The following PRKG1 variants were observed in gnomAD, a reference collection of about 807,000 sequenced individuals.
PRKG1 encodes protein kinase cGMP-dependent 1.
In PRKG1, 35 loss-of-function variants were observed where a neutral mutation model predicts 88.1. The observed-to-expected ratio is 0.40, with a 90% CI of 0.30 to 0.53. The LOEUF is 0.53. Ranked by LOEUF, PRKG1 falls within the 20% of genes least tolerant of loss-of-function variation. PRKG1 has a pLI of 0.59. For synonymous variants in PRKG1, 303 were observed against 292.5 expected, an observed-to-expected ratio of 1.04 and a Z score of -0.37; for missense variants, 540 against 839.8, an observed-to-expected ratio of 0.64 and a Z score of 4.41.
intron 7 of PRKG1, among the ~76,000 whole-genome samples, chr10:52,105,887 T>C (rs1028799403): frequency 2.0e-5 from 3 of 152,108 alleles, no homozygotes; most frequent in African/African-American, 7.2e-5. Context: ...CGTTCTTTAG[T>C]GGTGATTTCT....
chr10:52,109,533 G>A (rs1189639136), intron 7 of PRKG1, among the ~76,000 whole-genome samples: 2 of 152,186 alleles, frequency 1.3e-5, no homozygotes, highest in African/African-American at 2.4e-5. Context: ...TCGGGAGGCC[G>A]AGGTGGGCAG....
intron 2 of PRKG1, among the ~76,000 whole-genome samples, chr10:51,251,933 G>A (rs1440471070): frequency 6.6e-6 from 1 of 151,790 alleles, no homozygotes; most frequent in Non-Finnish European, 1.5e-5. Flanking sequence ...ATAATTTACT[G>A]CTGCTAGTAA....
intron 1 of PRKG1, among the ~76,000 whole-genome samples, chr10:51,083,960 G>C (rs1311663230): frequency 1.3e-5 from 2 of 152,122 alleles, no homozygotes; most frequent in Non-Finnish European, 2.9e-5. Flanking sequence ...CTTTATATAA[G>C]CAATGAAAAT....
At chr10:51,057,318 C>A (rs1564583982) in intron 1 of PRKG1, among the ~76,000 whole-genome samples, 2 of 152,168 alleles carry the variant, frequency 1.3e-5, no homozygotes, top group Admixed American at 1.3e-4. Context: ...ATGGATTGGG[C>A]ATGGGGCCTT....
At chr10:51,795,716 C>A (rs181024330) in intron 3 of PRKG1, among the ~76,000 whole-genome samples, 1 of 152,102 alleles carries the variant, frequency 6.6e-6, no homozygotes, top group Admixed American at 6.6e-5. Flanking sequence ...TTCTGGGATT[C>A]CTTGAGCATA....
intron 5 of PRKG1, among the ~76,000 whole-genome samples, chr10:51,945,881 C>A (rs1843020499): frequency 6.6e-6 from 1 of 151,340 alleles, no homozygotes; most frequent in Admixed American, 6.6e-5. Flanking sequence ...CTCTGGCTGC[C>A]CTTAACATTT....
intron 4 of PRKG1, among the ~76,000 whole-genome samples, chr10:51,828,310 GA>G (rs200903065): frequency 0.013 from 1,973 of 150,784 alleles, 52 homozygotes; most frequent in African/African-American, 0.045. Context: ...ATCCTCACGT[GA>G]AAAAAAAATC....
chr10:51,109,051 A>G (rs746019709), intron 1 of PRKG1, among the ~76,000 whole-genome samples: 49 of 152,136 alleles, frequency 3.2e-4, no homozygotes, highest in Admixed American at 1.1e-3. Flanking sequence ...AAACCTGTAA[A>G]CTGGAAACTA....
At chr10:52,203,790 A>G (rs1839738514) in intron 9 of PRKG1, among the ~76,000 whole-genome samples, 1 of 152,052 alleles carries the variant, frequency 6.6e-6, no homozygotes, top group African/African-American at 2.4e-5. Flanking sequence ...TTTATTTATC[A>G]TTGTCGGATT....
intron 9 of PRKG1, among the ~76,000 whole-genome samples, chr10:52,230,167 G>T (rs1167085046): frequency 6.6e-6 from 1 of 152,146 alleles, no homozygotes; most frequent in Non-Finnish European, 1.5e-5. Context: ...GGCATGTTTG[G>T]ATATTCATAT....
intron 1 of PRKG1, among the ~76,000 whole-genome samples, chr10:51,064,642 G>A (rs1843728501): frequency 6.6e-6 from 1 of 151,770 alleles, no homozygotes; most frequent in African/African-American, 2.4e-5. Context: ...AAATTTGAAG[G>A]GCTTACGAAG....
rs116891501 is a variant in PRKG1 at position 51,308,712 on chromosome 10, A to C, written c.478+155382A>C. On this transcript the variant is annotated intron_variant, in intron 2 of 17. Coordinates refer to ENST00000373980, the MANE Select transcript of PRKG1 (RefSeq NM_006258.4). Reference sequence around the variant, plus strand: ...GTAGGTTGAGGAGAGGTGCTAGAAAAATAATACTAGAATAACACAGAGCCA... The same window carrying C: ...GTAGGTTGAGGAGAGGTGCTAGAAACATAATACTAGAATAACACAGAGCCA... 5.0e-3 allele frequency among the ~76,000 whole-genome samples: 754 copies of C among 152,300 alleles called. 3 individuals are homozygous for C. Among genetic ancestry groups the C allele is most frequent in the Non-Finnish European group, 9.2e-3 (629 of 68,026 alleles).
At chr10:51,036,815 C>T (rs953504947) in intron 1 of PRKG1, among the ~76,000 whole-genome samples, 1 of 152,096 alleles carries the variant, frequency 6.6e-6, no homozygotes, top group African/African-American at 2.4e-5. Context: ...AGGGAAGGAA[C>T]CAATGTTTAG....
chr10:51,541,744 A>C (rs573493317), intron 3 of PRKG1, among the ~76,000 whole-genome samples: 15 of 152,224 alleles, frequency 9.9e-5, no homozygotes, highest in Non-Finnish European at 1.8e-4. Flanking sequence ...AGAAAAAAAA[A>C]CAAACTATTT....
intron 3 of PRKG1, among the ~76,000 whole-genome samples, chr10:51,688,412 C>T (rs1473926768): frequency 6.6e-6 from 1 of 152,080 alleles, no homozygotes; most frequent in Non-Finnish European, 1.5e-5. Context: ...GGTGTCTCTC[C>T]TGCGTAATCC....
At chr10:51,156,313 A>AG (rs61001322) in intron 2 of PRKG1, among the ~76,000 whole-genome samples, 1 of 150,022 alleles carries the variant, frequency 6.7e-6, no homozygotes, top group South Asian at 2.1e-4. Flanking sequence ...ACACACACAC[A>AG]AACACACACA....
chr10:51,696,499 G>C (rs1841296721), intron 3 of PRKG1: 1 of 152,062 alleles, frequency 6.6e-6, no homozygotes, highest in Non-Finnish European at 1.5e-5. Flanking sequence ...AAGGTATTGA[G>C]AGATTATTGG....
chr10:51,076,592 G>A (rs1469884583), intron 1 of PRKG1, among the ~76,000 whole-genome samples: 1 of 152,198 alleles, frequency 6.6e-6, no homozygotes, highest in Non-Finnish European at 1.5e-5. Context: ...AGGTTTCATA[G>A]TGAAGCATGT....
rs537948044 is a variant in PRKG1 at position 51,823,772 on chromosome 10, T to C, written c.698+19082T>C. Among the ~76,000 whole-genome samples, 34 of 152,114 alleles carry C rather than the reference T, an allele frequency of 2.2e-4. No homozygotes were observed. The South Asian group carries it at 6.2e-3, about 28-fold the overall frequency. On this transcript the variant is annotated intron_variant, in intron 4 of 17. Coordinates refer to ENST00000373980, the MANE Select transcript of PRKG1 (RefSeq NM_006258.4). ...ACTATGGTAGTATTCCATAGAAATG[T>C]TGAAATGATTTAAAATATCCATCCC...
Sources: allele counts gnomAD v4.1 joint callset (sites outside exome capture counted in the v4.1 genomes callset), GRCh38; gene constraint gnomAD v4.1.1; transcripts MANE v1.5; gene names NCBI Gene and HGNC (gene_info 2026-07-23, HGNC 2026-07-21).